Variants in ADK observed in about 807,000 individuals in gnomAD.
ADK encodes the protein adenosine kinase, also known as N6,N6-dimethyladenosine kinase.
Under a neutral mutation model 44.7 loss-of-function variants are expected in ADK, and 24 were observed. The observed-to-expected ratio is 0.54, with a 90% CI of 0.39 to 0.76. The LOEUF (loss-of-function observed/expected upper bound fraction) is 0.76, where lower values mean the gene tolerates loss of function less well. Among genes scored for constraint, ADK ranks in the 30% least tolerant of loss-of-function variants. ADK has a pLI of 0.00. For synonymous variants in ADK, 128 were observed against 142.6 expected (o/e 0.90, Z 0.73); for missense variants, 321 against 425.1 (o/e 0.76, Z 2.15).
At chr10:74,224,508 A>C in intron 2 of ADK, 30 bp from the exon 3 acceptor site, 1 of 1,593,318 alleles carries the variant, frequency 6.3e-7, no homozygotes, top group South Asian at 1.1e-5. Flanking sequence ...TGTGTGTATG[A>C]AGAGTGTAAT....
chr10:74,383,326 T>A (rs574023361), intron 4 of ADK, among the ~76,000 whole-genome samples: 3 of 152,210 alleles, frequency 2.0e-5, no homozygotes, highest in Admixed American at 2.0e-4. Flanking sequence ...TATAAGCATT[T>A]TGATTCTAAG....
chr10:74,265,517 C>T (rs367980258), intron 3 of ADK, among the ~76,000 whole-genome samples: 2 of 152,122 alleles, frequency 1.3e-5, no homozygotes, highest in African/African-American at 4.8e-5. Flanking sequence ...CGTGCCTGGC[C>T]TAGAAAATGA....
chr10:74,443,702 CAAT>C (rs1326475803), intron 6 of ADK, among the ~76,000 whole-genome samples: 1 of 152,036 alleles, frequency 6.6e-6, no homozygotes, highest in East Asian at 1.9e-4. Context: ...AATTAGATCT[CAAT>C]AAAGCTTTTA....
intron 9 of ADK, among the ~76,000 whole-genome samples, chr10:74,653,117 C>G (rs1854333320): frequency 6.6e-6 from 1 of 152,124 alleles, no homozygotes; most frequent in African/African-American, 2.4e-5. Flanking sequence ...TCAGAGATGT[C>G]TGGCTAGGCT....
At chr10:74,463,994 C>T (rs189425924) in intron 6 of ADK, among the ~76,000 whole-genome samples, 46 of 152,200 alleles carry the variant, frequency 3.0e-4, no homozygotes, top group Non-Finnish European at 2.9e-5. Context: ...TTGGAAAGTA[C>T]TCTTGATTTT....
chr10:74,151,518 C>T (rs11000897), intron 1 of ADK, among the ~76,000 whole-genome samples, 175 bp downstream of exon 1: 2 of 152,098 alleles, frequency 1.3e-5, no homozygotes, highest in Non-Finnish European at 2.9e-5. Context: ...ACGTTCTCTC[C>T]GTTTGGCTGA....
intron 3 of ADK, among the ~76,000 whole-genome samples, chr10:74,266,883 G>T (rs1846233605): frequency 6.6e-6 from 1 of 152,108 alleles, no homozygotes; most frequent in Non-Finnish European, 1.5e-5. Context: ...ATAAGCTTTA[G>T]TGGCCTTTTC....
chr10:74,262,834 G>T (rs1463588365), intron 3 of ADK, among the ~76,000 whole-genome samples: 1 of 152,124 alleles, frequency 6.6e-6, no homozygotes, highest in Non-Finnish European at 1.5e-5. Context: ...TTGGAGACAG[G>T]CTTTCTTTGA....
At chr10:74,415,298 T>A (rs923259655) in intron 6 of ADK, among the ~76,000 whole-genome samples, 1 of 152,228 alleles carries the variant, frequency 6.6e-6, no homozygotes, top group African/African-American at 2.4e-5. Context: ...TTTAGACCAA[T>A]CAGCAGTTGC....
chr10:74,449,980 C>T (rs986134453), intron 6 of ADK, among the ~76,000 whole-genome samples: 1 of 152,042 alleles, frequency 6.6e-6, no homozygotes, highest in Non-Finnish European at 1.5e-5. Context: ...TCTGATTATA[C>T]TTGGAGTCGA....
chr10:74,302,773 A>G (rs996164592), intron 3 of ADK, among the ~76,000 whole-genome samples: 16 of 152,234 alleles, frequency 1.1e-4, no homozygotes, highest in Admixed American at 2.0e-4. Context: ...TCCAGCCTCC[A>G]TTACAGAGGG....
chr10:74,347,106 C>CAAAAAAAAAAAAAAAAAAAAAAAAAA (rs58074760), intron 4 of ADK, among the ~76,000 whole-genome samples: 2 of 92,348 alleles, frequency 2.2e-5, no homozygotes, highest in African/African-American at 1.4e-4. Context: ...CACTCTGTCT[C>CAAAAAAAAAAAAAAAAAAAAAAAAAA]AAAAAAAAAA....
intron 4 of ADK, among the ~76,000 whole-genome samples, chr10:74,374,458 A>G (rs890264511): frequency 2.0e-5 from 3 of 152,136 alleles, no homozygotes; most frequent in Admixed American, 2.0e-4. Context: ...ATTTGTCAAT[A>G]TCACTACTAA....
intron 9 of ADK, among the ~76,000 whole-genome samples, chr10:74,654,736 C>T (rs1488932526): frequency 3.3e-5 from 5 of 151,662 alleles, no homozygotes; most frequent in African/African-American, 7.3e-5. Flanking sequence ...TGCTTGAACC[C>T]GGGAGGCAGA....
intron 4 of ADK, among the ~76,000 whole-genome samples, chr10:74,383,693 T>G (rs2132013698): frequency 6.6e-6 from 1 of 151,902 alleles, no homozygotes; most frequent in African/African-American, 2.4e-5. Context: ...TTATGAAGAG[T>G]GGAAGGGAAA....
rs1428075045 is a variant in ADK at position 74,337,677 on chromosome 10, T to TA, written c.273+22933dup. Among the ~76,000 whole-genome samples the TA allele has an allele frequency of 1.2e-4, 18 of 152,336 alleles. No homozygotes were observed. In the East Asian group the frequency reaches 1.9e-3, roughly 16 times the overall value. On this transcript the variant is annotated intron_variant, in intron 4 of 10. Transcript: ENST00000539909. ...CAGCTGGCTTCATTAGCTTTTTGTA[T>TA]ATTAATCTGTGTTGTCCTACTATTA...
chr10:74,502,067 A>G (rs564861713), intron 6 of ADK, among the ~76,000 whole-genome samples: 1 of 152,192 alleles, frequency 6.6e-6, no homozygotes, highest in Non-Finnish European at 1.5e-5. Context: ...ATCCAACCCA[A>G]TCTCCTGTTT....
At chr10:74,662,014 C>A (rs551253413) in intron 9 of ADK, among the ~76,000 whole-genome samples, 1 of 152,192 alleles carries the variant, frequency 6.6e-6, no homozygotes, top group African/African-American at 2.4e-5. Context: ...ATACTTATTA[C>A]CTGATTGAAG....
At position 74,588,169 on chromosome 10, in the gene ADK, A is replaced by G. The variant is rs143376918; in HGVS notation, c.727-1113A>G. ...TTGCTTCATTTTAATTTTTTTCTGC[A>G]GTATTCTAAAATAAATTACATATAT... On this transcript the variant is annotated intron_variant, in intron 7 of 10. Coordinates refer to ENST00000539909, the MANE Select transcript of ADK (RefSeq NM_006721.4). Among the ~76,000 whole-genome samples the G allele has an allele frequency of 3.9e-3, 600 of 152,254 alleles. 7 individuals carry two copies. The highest frequency in any genetic ancestry group is 0.014 in the African/African-American group (564 of 41,566).
Sources: gnomAD v4.1 joint callset for allele counts (sites outside exome capture counted in the v4.1 genomes callset) on GRCh38, gnomAD v4.1.1 for gene constraint, MANE v1.5 for transcripts, NCBI Gene and HGNC (gene_info 2026-07-23, HGNC 2026-07-21) for gene names.